Variants in ME1 observed in about 807,000 individuals in gnomAD.
ME1 encodes NADP-dependent malic enzyme.
In ME1, 74 loss-of-function variants were observed where a neutral mutation model predicts 66.4. That is an observed-to-expected ratio of 1.11 (90% confidence interval 0.92 to 1.35). The LOEUF is 1.35. ME1 is among the 40% of genes most tolerant of loss of function. The probability of loss-of-function intolerance (pLI) is 0.00; values close to 1 mark genes in which losing one functional copy is unlikely to be tolerated. For missense variants in ME1, 750 were observed against 694.1 expected, an observed-to-expected ratio of 1.08 and a Z score of -0.90; for synonymous variants, 251 against 235.6, an observed-to-expected ratio of 1.07 and a Z score of -0.60.
intron 13 of ME1, among the ~76,000 whole-genome samples, chr6:83,215,955 C>A (rs576685322): frequency 1.3e-5 from 2 of 152,232 alleles, no homozygotes; most frequent in Non-Finnish European, 2.9e-5. Context: ...AATTTCTCTG[C>A]CTTTGGGTTC....
intron 12 of ME1, among the ~76,000 whole-genome samples, chr6:83,217,354 T>C (rs1041393362): frequency 6.6e-6 from 1 of 152,236 alleles, no homozygotes; most frequent in African/African-American, 2.4e-5. Flanking sequence ...CCTTCCTCTT[T>C]TGTAACATTT....
intron 3 of ME1, among the ~76,000 whole-genome samples, chr6:83,393,589 T>G (rs879129543): frequency 8.5e-6 from 1 of 117,454 alleles, no homozygotes; most frequent in African/African-American, 3.0e-5. Context: ...GTACCATCAA[T>G]AAAATCCCCT....
intron 7 of ME1, among the ~76,000 whole-genome samples, chr6:83,251,550 A>G (rs1008040596): frequency 6.6e-6 from 1 of 152,126 alleles, no homozygotes; most frequent in East Asian, 1.9e-4. Flanking sequence ...AAAAAGAAAA[A>G]TAATTAGTGC....
chr6:83,328,043 A>G (rs528984753), intron 5 of ME1, among the ~76,000 whole-genome samples: 1 of 152,374 alleles, frequency 6.6e-6, no homozygotes, highest in South Asian at 2.1e-4. Flanking sequence ...ACTGTTCACA[A>G]CAGCAAAGAC....
intron 5 of ME1, among the ~76,000 whole-genome samples, chr6:83,341,902 G>T (rs560675533): frequency 6.6e-6 from 1 of 152,288 alleles, no homozygotes; most frequent in South Asian, 2.1e-4. Context: ...TTGCATAGGA[G>T]TGTAACTTTG....
chr6:83,419,536 G>A lies in ME1; in HGVS notation c.78+11341C>T, dbSNP rs149901665. Among the ~76,000 whole-genome samples the A allele has an allele frequency of 3.8e-3, 573 of 152,242 alleles. 7 individuals carry two copies. Among genetic ancestry groups the A allele is most frequent in the African/African-American group, 0.013 (551 of 41,544 alleles). ...AAAAATACTTCATACAATATCTCTA[G>A]TATATAATGAAAACACTGGTCACTG... is the stretch of plus-strand genomic sequence containing the variant. On this transcript the variant is annotated intron_variant, in intron 1 of 13. Transcript: ENST00000369705.
chr6:83,256,619 G>A (rs998279623), intron 6 of ME1, among the ~76,000 whole-genome samples: 1 of 152,114 alleles, frequency 6.6e-6, no homozygotes, highest in East Asian at 1.9e-4. Flanking sequence ...CAACCATGGT[G>A]GAAAACAGTG....
chr6:83,346,400 C>A, intron 4 of ME1, 66 bp from the exon 5 acceptor site: 1 of 1,166,034 alleles, frequency 8.6e-7, no homozygotes, highest in Non-Finnish European at 1.2e-6. Context: ...ATTTCTGACT[C>A]TATTTCTGAA....
chr6:83,285,592 A>G (rs1767381428), intron 6 of ME1, among the ~76,000 whole-genome samples: 1 of 152,174 alleles, frequency 6.6e-6, no homozygotes, highest in African/African-American at 2.4e-5. Flanking sequence ...AGAAGGTGAC[A>G]AGTTAGTAAA....
At chr6:83,399,439 T>C (rs4706992) in intron 2 of ME1, among the ~76,000 whole-genome samples, 3,663 of 152,340 alleles carry the variant, frequency 0.024, 158 homozygotes, top group East Asian at 0.16. Context: ...GATGAAAATA[T>C]AACTATAGAT....
intron 3 of ME1, chr6:83,392,607 C>A (rs1340235549): frequency 1.7e-6 from 1 of 573,094 alleles, no homozygotes; most frequent in Non-Finnish European, 3.4e-6. Context: ...AGGCTGAGAA[C>A]GGGAAGCTTG....
chr6:83,312,785 C>T (rs982330149), intron 6 of ME1, among the ~76,000 whole-genome samples: 3 of 152,042 alleles, frequency 2.0e-5, no homozygotes, highest in South Asian at 2.1e-4. Context: ...AAGAGTCTTG[C>T]TCTGTTGCCC....
intron 2 of ME1, among the ~76,000 whole-genome samples, chr6:83,402,203 C>T (rs964423767): frequency 5.9e-5 from 9 of 152,148 alleles, no homozygotes; most frequent in Non-Finnish European, 8.8e-5. Context: ...AGTGCCAATA[C>T]CTTGCAAAGC....
chr6:83,383,304 C>T (rs976442450), intron 3 of ME1, among the ~76,000 whole-genome samples: 2 of 151,884 alleles, frequency 1.3e-5, no homozygotes, highest in Non-Finnish European at 2.9e-5. Context: ...ATAAAATGAG[C>T]AGGTTTTAAA....
rs185156034 is a variant in ME1 at position 83,414,985 on chromosome 6, T to C, written c.79-7084A>G. Among the ~76,000 whole-genome samples the C allele has an allele frequency of 9.2e-5, 14 of 152,270 alleles. No homozygotes were observed. In the East Asian group the frequency reaches 2.7e-3, roughly 29 times the overall value. On this transcript the variant is annotated intron_variant, in intron 1 of 13. Coordinates refer to ENST00000369705, the MANE Select transcript of ME1 (RefSeq NM_002395.6). ...GGACACAAATGATGAAAAATCAAAATTTAAGATCTTCAATTGAAACGTGTA... is the reference window on the plus strand; with the variant it reads ...GGACACAAATGATGAAAAATCAAAACTTAAGATCTTCAATTGAAACGTGTA...
In ME1 at chr6:83,352,145, G is replaced by GAAAAA; in HGVS notation, c.363-11_363-7dup. The GAAAAA allele has an allele frequency of 3.7e-5, 35 of 939,416 alleles. No homozygotes were observed. The highest frequency in any genetic ancestry group is 2.4e-4 in the South Asian group (8 of 32,834). 58.2% of individuals were successfully genotyped at this position (939,416 alleles called of 1,614,324 possible). A position where few individuals can be genotyped will look rare whatever the true frequency, so the allele number is the denominator to read the frequency against. On this transcript the variant is annotated splice_region_variant and splice_polypyrimidine_tract_variant and intron_variant, in intron 3 of 13. Transcript: ENST00000369705. ...GGATAGTAATAAAGAGACCTCTGCA[G>GAAAAA]AAAAAAAAAAAAAAAAAGGAGTAGT...
chr6:83,324,716 CAAAAAAAAAAAA>C (rs55866196), intron 5 of ME1, among the ~76,000 whole-genome samples: 3 of 49,320 alleles, frequency 6.1e-5, no homozygotes, highest in South Asian at 9.2e-4. Context: ...GCCTACCAAC[CAAAAAAAAAAAA>C]AAAAAAAAAA....
chr6:83,397,537 A>C (rs1473860590), intron 3 of ME1, among the ~76,000 whole-genome samples: 1 of 152,224 alleles, frequency 6.6e-6, no homozygotes, highest in African/African-American at 2.4e-5. Flanking sequence ...AATGTAAACT[A>C]GTAAATCTAT....
chr6:83,319,997 A>G (rs1144178), intron 5 of ME1, among the ~76,000 whole-genome samples: 48,668 of 152,088 alleles, frequency 0.32, 8,161 homozygotes, highest in Middle Eastern at 0.49. Context: ...TTTAGATGAC[A>G]ATTTCTTGAA....
Sources: gnomAD v4.1 joint callset for allele counts (sites outside exome capture counted in the v4.1 genomes callset) on GRCh38, gnomAD v4.1.1 for gene constraint, MANE v1.5 for transcripts, NCBI Gene and HGNC (gene_info 2026-07-23, HGNC 2026-07-21) for gene names.